KCNT1: variants seen among roughly 807,000 people sequenced by gnomAD.
KCNT1 encodes the protein potassium sodium-activated channel subfamily T member 1.
In KCNT1, 78 loss-of-function variants were observed where a neutral mutation model predicts 147.8. The observed-to-expected ratio is 0.53, with a 90% CI of 0.44 to 0.64. The LOEUF (loss-of-function observed/expected upper bound fraction) is 0.64, where lower values mean the gene tolerates loss of function less well. KCNT1 is among the 30% of genes least tolerant of loss of function. KCNT1 has a pLI of 0.00. For missense variants in KCNT1, 1,419 were observed against 1,750.3 expected (o/e 0.81, Z 3.38); for synonymous variants, 867 against 748.8 (o/e 1.16, Z -2.58).
chr9:135,723,611 G>T (rs1437304609), intron 2 of KCNT1, among the ~76,000 whole-genome samples: 1 of 152,236 alleles, frequency 6.6e-6, no homozygotes, highest in African/African-American at 2.4e-5. Flanking sequence ...GCTGCCTCCA[G>T]AGGGACCCTG....
At chr9:135,715,629 A>G (rs1037529593) in intron 2 of KCNT1, among the ~76,000 whole-genome samples, 1 of 152,230 alleles carries the variant, frequency 6.6e-6, no homozygotes, top group Non-Finnish European at 1.5e-5. Flanking sequence ...TCCGGTTAGC[A>G]CACAAAGTAC....
At chr9:135,726,116 G>A (rs1836127558) in intron 2 of KCNT1, among the ~76,000 whole-genome samples, 1 of 152,150 alleles carries the variant, frequency 6.6e-6, no homozygotes, top group African/African-American at 2.4e-5. Context: ...ACTGGGGAGA[G>A]GCCTGCAGTC....
rs1004395644 is a variant in KCNT1 at position 135,768,082 on chromosome 9, C to T, written c.1338-528C>T. ...AGGTGTGGCTCCTGAACCCTGCCCC[C>T]ACCCTCTGTCAGCCTGCACACGCTC... On this transcript the variant is annotated intron_variant, in intron 13 of 30. Transcript: ENST00000371757. Among the ~76,000 whole-genome samples, 13 of 150,998 alleles carry T rather than the reference C, an allele frequency of 8.6e-5. No individual in the cohort carries two copies. The South Asian group carries it at 2.8e-3, about 32-fold the overall frequency.
rs1242551163 is a variant in KCNT1 at position 135,730,552 on chromosome 9, A to C, written c.254+15832A>C. On this transcript the variant is annotated intron_variant, in intron 2 of 30. Coordinates refer to ENST00000371757, the MANE Select transcript of KCNT1 (RefSeq NM_020822.3). The surrounding 1 kb of genome is among the most constrained non-coding windows in gnomAD (Gnocchi z 4.7). ...AAGCAAGGACTGGAGCGATGGGAGG[A>C]GGGGCCCAGCCGGGGAGGGTGGTGG... 6.6e-6 allele frequency among the ~76,000 whole-genome samples: 1 copy of C among 151,998 alleles called. No homozygotes were observed. Among genetic ancestry groups the C allele is most frequent in the Non-Finnish European group, 1.5e-5 (1 of 67,988 alleles).
intron 2 of KCNT1, among the ~76,000 whole-genome samples, chr9:135,748,556 C>A (rs1410548043): frequency 2.0e-5 from 3 of 152,246 alleles, no homozygotes; most frequent in African/African-American, 7.2e-5. Context: ...TCACAGCCTC[C>A]TGCCCTGGTG....
chr9:135,714,440 C>G lies in KCNT1; in HGVS notation c.111-137C>G. The G allele has an allele frequency of 2.5e-6, 1 of 407,328 alleles. No homozygotes were observed. The highest frequency in any genetic ancestry group is 3.3e-6 in the Non-Finnish European group (1 of 304,892). The allele number at this position is 407,328 out of a possible 1,614,324, so 25.2% of individuals were successfully genotyped here. The stretch of plus-strand genomic sequence containing the variant: ...CCGCATGTGCCGCCAGGCCCGCCCC[C>G]GCCCGGCCGCCCGCCCGCCCGGTGG... On this transcript the variant is annotated intron_variant, in intron 1 of 30. Coordinates refer to ENST00000371757, the MANE Select transcript of KCNT1 (RefSeq NM_020822.3). The surrounding 1 kb of genome is among the most constrained non-coding windows in gnomAD (Gnocchi z 6.2).
At position 135,777,596 on chromosome 9, in the gene KCNT1, G is replaced by A. The variant is rs532601476; in HGVS notation, c.2522+86G>A. 2.5e-4 allele frequency: 331 copies of A among 1,340,164 alleles called. 1 individual carries two copies. The highest frequency in any genetic ancestry group is 2.4e-3 in the Middle Eastern group (9 of 3,828). The allele number at this position is 1,340,164 out of a possible 1,614,324, so 83.0% of individuals were successfully genotyped here. ...GCCTCCCCAACTGGGCCCACCCTTCGCCTTTGCAGAGGGCACGGGAACATG... is the reference window on the plus strand; with the variant it reads ...GCCTCCCCAACTGGGCCCACCCTTCACCTTTGCAGAGGGCACGGGAACATG... On this transcript the variant is annotated intron_variant, in intron 21 of 30. Transcript: ENST00000371757.
At chr9:135,765,833 C>T (rs954954258) in intron 13 of KCNT1, 73 bp downstream of exon 13, 18 of 1,385,150 alleles carry the variant, frequency 1.3e-5, no homozygotes, top group Non-Finnish European at 1.8e-5. Context: ...AGGGCTGAGG[C>T]ATTGACCGTC....
chr9:135,736,890 G>A, intron 2 of KCNT1: 1 of 280,664 alleles, frequency 3.6e-6, no homozygotes, highest in South Asian at 1.7e-4. Context: ...GCCCGGGGAA[G>A]GGGGGAGGCC....
At chr9:135,762,672 C>T (rs1431028710) in intron 11 of KCNT1, among the ~76,000 whole-genome samples, 1 of 152,110 alleles carries the variant, frequency 6.6e-6, no homozygotes, top group Non-Finnish European at 1.5e-5. Context: ...ATCACTTAAG[C>T]CCAGGAGGCA....
chr9:135,789,809 A>G (rs966459159), intron 29 of KCNT1: 1 of 152,330 alleles, frequency 6.6e-6, no homozygotes, highest in East Asian at 1.9e-4. Context: ...GACATGCACC[A>G]GAAGAGCCAA....
intron 10 of KCNT1, among the ~76,000 whole-genome samples, chr9:135,759,056 C>T (rs1418767490): frequency 1.2e-4 from 19 of 152,228 alleles, no homozygotes; most frequent in Admixed American, 1.2e-3. Context: ...GGAGAGTGCC[C>T]TGCGTTTCCC....
At chr9:135,728,866 C>T (rs1172118415) in intron 2 of KCNT1, among the ~76,000 whole-genome samples, 1 of 152,216 alleles carries the variant, frequency 6.6e-6, no homozygotes, top group African/African-American at 2.4e-5. Context: ...ATTTCCCACC[C>T]TACCCCCGGG....
intron 1 of KCNT1, among the ~76,000 whole-genome samples, chr9:135,704,867 C>T (rs1345540556): frequency 1.3e-5 from 2 of 152,230 alleles, no homozygotes; most frequent in East Asian, 3.8e-4. Flanking sequence ...TACCGCCCAG[C>T]ACTGGCCGGC....
Position 135,702,336 on chromosome 9 carries a change from C to T in KCNT1, c.78C>T (p.Thr26=), listed in dbSNP as rs1432472367. ...EARGGGYTNR[T]FEFDDGQCAP... is the part of the protein sequence containing the mutation. ...GCGGCGGGGGCTACACCAACCGGAC[C>T]TTCGAGTTTGACGACGGCCAATGCG... Residue 26 remains threonine, a synonymous_variant, in exon 1 of 31, where the codon ACC becomes ACT. Coordinates refer to ENST00000371757, the MANE Select transcript of KCNT1 (RefSeq NM_020822.3). The T allele has an allele frequency of 1.9e-6, 3 of 1,611,554 alleles. No individual in the cohort carries two copies. The highest frequency in any genetic ancestry group is 2.2e-5 in the South Asian group (2 of 91,070).
At chr9:135,707,441 C>G (rs925349543) in intron 1 of KCNT1, among the ~76,000 whole-genome samples, 13 of 152,204 alleles carry the variant, frequency 8.5e-5, no homozygotes, top group African/African-American at 3.1e-4. Flanking sequence ...CTCGAGGGTA[C>G]TGACAGCTGA....
At chr9:135,753,007 TG>T (rs1278346039) in intron 4 of KCNT1, among the ~76,000 whole-genome samples, 45 of 146,270 alleles carry the variant, frequency 3.1e-4, no homozygotes, top group African/African-American at 1.1e-3. Context: ...AGTGGATGGA[TG>T]GATGGAGGGA....
intron 3 of KCNT1, 92 bp downstream of exon 3, chr9:135,750,269 G>A: frequency 9.4e-7 from 1 of 1,068,822 alleles, no homozygotes; most frequent in Non-Finnish European, 1.4e-6. Context: ...GGGGCTGTGA[G>A]CTCAGGGAGA....
chr9:135,752,047 C>A lies in KCNT1; in HGVS notation c.434+1006C>A. ...CATTGGGCCCTGACTTTTTCATACC[C>A]GTAGATTTCCTCAAATGTCTGGTGC... On this transcript the variant is annotated intron_variant, in intron 4 of 30. Coordinates refer to ENST00000371757, the MANE Select transcript of KCNT1 (RefSeq NM_020822.3). The surrounding 1 kb of genome is among the most constrained non-coding windows in gnomAD (Gnocchi z 5.1). 1 of 217,018 alleles carries A rather than the reference C, an allele frequency of 4.6e-6. No homozygotes were observed. Among genetic ancestry groups the A allele is most frequent in the South Asian group, 6.5e-5 (1 of 15,400 alleles). 13.4% of individuals were successfully genotyped at this position (217,018 alleles called of 1,614,324 possible).
Sources: allele counts gnomAD v4.1 joint callset (sites outside exome capture counted in the v4.1 genomes callset), GRCh38; gene constraint gnomAD v4.1.1; non-coding constraint Gnocchi (gnomAD v3.1); transcripts MANE v1.5; gene names NCBI Gene and HGNC (gene_info 2026-07-23, HGNC 2026-07-21).